Variants in SPAG4 observed in about 807,000 individuals in gnomAD.
SPAG4 encodes the protein sperm associated antigen 4.
In SPAG4, 54 loss-of-function variants were observed where a neutral mutation model predicts 53.9. The observed-to-expected ratio is 1.00, with a 90% CI of 0.80 to 1.26. The LOEUF (loss-of-function observed/expected upper bound fraction) is 1.26. Ranked by LOEUF, SPAG4 falls within the 50% of genes most tolerant of loss-of-function variation. The pLI is 0.00. For synonymous variants in SPAG4, 246 were observed against 237.4 expected (o/e 1.04, Z -0.33); for missense variants, 548 against 568.6 (o/e 0.96, Z 0.37).
At chr20:35,616,354 CT>C (rs2146259800) in intron 1 of SPAG4, 47 bp downstream of exon 1, 1 of 1,430,210 alleles carries the variant, frequency 7.0e-7, no homozygotes, top group East Asian at 2.6e-5. Flanking sequence ...GGGGCGGGGC[CT>C]AAAGGGCGGT....
In SPAG4 at chr20:35,616,105, C is replaced by T. The variant is rs1002904029; in HGVS notation, c.102C>T (p.Ser34=). Residue 34 remains serine (S), a synonymous_variant, in exon 1 of 12, where the codon AGC becomes AGT. Transcript: ENST00000374273. ...CAATGAGCATCACCTCGGAGGACAG[C>T]AAAGGGCTCCGGTCAGCGGAGCCCG... ...NSSMSITSED[S]KGLRSAEPGP... is the part of the protein sequence containing the mutation. 2.1e-5 allele frequency: 33 copies of T among 1,608,004 alleles called. No individual in the cohort carries two copies. In the Admixed American group the frequency reaches 3.7e-4, roughly 18 times the overall value.
At chr20:35,618,772 C>T in intron 7 of SPAG4, 52 bp downstream of exon 7, 1 of 1,471,410 alleles carries the variant, frequency 6.8e-7, no homozygotes, top group Non-Finnish European at 9.3e-7. Context: ...CTCCCAGGGT[C>T]CTGAGACTTA....
At chr20:35,616,567 G>A (rs1397434557) in intron 1 of SPAG4, among the ~76,000 whole-genome samples, 2 of 152,088 alleles carry the variant, frequency 1.3e-5, no homozygotes, top group East Asian at 1.9e-4. Context: ...GTGGCTCCCA[G>A]GACAATTGGG....
intron 1 of SPAG4, 141 bp downstream of exon 1, chr20:35,616,448 A>T: frequency 8.0e-7 from 1 of 1,249,702 alleles, no homozygotes; most frequent in Non-Finnish European, 1.0e-6. Flanking sequence ...GTGCTAAATG[A>T]GATCCCTTAA....
At chr20:35,620,629 C>T (rs1315238366) in intron 10 of SPAG4, 55 bp from the exon 11 acceptor site, 1 of 499,758 alleles carries the variant, frequency 2.0e-6, no homozygotes, top group Non-Finnish European at 3.9e-6. Flanking sequence ...TCTCCCCGCC[C>T]CCCCCGCCCC....
chr20:35,616,337 AG>A lies in SPAG4; in HGVS notation c.304+31del, dbSNP rs146217885. The A allele has an allele frequency of 3.1e-3, 3,619 of 1,156,630 alleles. 68 individuals carry two copies. In the African/African-American group the frequency reaches 0.049, roughly 16 times the overall value. 71.6% of individuals were successfully genotyped at this position (1,156,630 alleles called of 1,614,324 possible). A position where few individuals can be genotyped will look rare whatever the true frequency, so the allele number is the denominator to read the frequency against. On this transcript the variant is annotated intron_variant, in intron 1 of 11. Transcript: ENST00000374273. ...GGGCGGGGTCGACCCCGGGTGAGCCAGTGGAGGGGGCGGGGCCTAAAGGGCG... is the reference window on the plus strand; with the variant it reads ...GGGCGGGGTCGACCCCGGGTGAGCCATGGAGGGGGCGGGGCCTAAAGGGCG...
At chr20:35,619,079 G>T in intron 8 of SPAG4, 81 bp downstream of exon 8, 1 of 1,477,638 alleles carries the variant, frequency 6.8e-7, no homozygotes. Context: ...CCATGCACCT[G>T]ACCGGCCGAA....
Position 35,616,056 on chromosome 20 carries a change from C to A in SPAG4, c.53C>A (p.Pro18His), listed in dbSNP as rs373174161. The A allele has an allele frequency of 3.1e-6, 5 of 1,612,786 alleles. No individual in the cohort carries two copies. Among genetic ancestry groups the A allele is most frequent in the Non-Finnish European group, 4.2e-6 (5 of 1,179,686 alleles). ...GCCTCGTCCTCGCGCAAGCACACGC[C>A]CAACTTTTTCAGCGAGAACAGCTCA... ...GSASSSRKHT[P>H]NFFSENSSMS... The change falls in exon 1 of 12, where the codon CCC becomes CAC. Residue 18 changes from proline to histidine, a missense_variant. Physicochemically the swap from Pro to His is moderately conservative, Grantham distance 77. Transcript: ENST00000374273.
Position 35,619,710 on chromosome 20 carries a change from A to G in SPAG4, c.1041A>G (p.Gly347=). The G allele has an allele frequency of 6.2e-7, 1 of 1,612,386 alleles. No individual in the cohort carries two copies. The highest frequency in any genetic ancestry group is 8.5e-7 in the Non-Finnish European group (1 of 1,178,780). ...QHPPPSVEHT[G]GANSAPRDFA... ...CACCGCCCAGCGTGGAGCACACCGG[A>G]GGAGCCAACAGCGCCCCCCGCGATT... The change falls in exon 10 of 12, where the codon GGA becomes GGG. Residue 347 remains glycine, a synonymous_variant. Transcript: ENST00000374273.
chr20:35,617,974 C>T (rs1283192487), intron 4 of SPAG4, 113 bp from the exon 5 acceptor site: 3 of 1,359,532 alleles, frequency 2.2e-6, no homozygotes, highest in Admixed American at 1.8e-5. Flanking sequence ...CCCTCAGACT[C>T]CCACGGTCCT....
Position 35,617,451 on chromosome 20 carries a change from A to G in SPAG4, c.410-69A>G. Reference sequence around the variant, plus strand: ...CCTCCCAAGCCCCTTCTGAACCCGGACACCACGCAGGCTGAGCCCCGCCTC... The same window carrying G: ...CCTCCCAAGCCCCTTCTGAACCCGGGCACCACGCAGGCTGAGCCCCGCCTC... On this transcript the variant is annotated intron_variant, in intron 2 of 11. Coordinates refer to ENST00000374273, the MANE Select transcript of SPAG4 (RefSeq NM_003116.3). The G allele has an allele frequency of 2.6e-6, 3 of 1,141,388 alleles. No homozygotes were observed. The South Asian group carries it at 4.0e-5, about 15-fold the overall frequency. The allele number at this position is 1,141,388 out of a possible 1,614,324, so 70.7% of individuals were successfully genotyped here. A position where few individuals can be genotyped will look rare whatever the true frequency, so the allele number is the denominator to read the frequency against.
chr20:35,618,335 G>A (rs952408158), intron 5 of SPAG4, 115 bp from the exon 6 acceptor site: 5 of 1,366,264 alleles, frequency 3.7e-6, no homozygotes, highest in African/African-American at 2.9e-5. Flanking sequence ...TCAAGGAGGA[G>A]TCGAGGAAAG....
Position 35,616,035 on chromosome 20 carries a change from C to G in SPAG4, c.32C>G (p.Ser11Trp), listed in dbSNP as rs752863592. 1 of 1,612,522 alleles carries G rather than the reference C, an allele frequency of 6.2e-7. No homozygotes were observed. Among genetic ancestry groups the G allele is most frequent in the Non-Finnish European group, 8.5e-7 (1 of 1,179,682 alleles). Residue 11 changes from serine (S) to tryptophan (W), a missense_variant, in exon 1 of 12, where the codon TCG becomes TGG. Coordinates refer to ENST00000374273, the MANE Select transcript of SPAG4 (RefSeq NM_003116.3). ...CGAAGCTCCCGCCCGGGCTCGGCCT[C>G]GTCCTCGCGCAAGCACACGCCCAAC... MRRSSRPGSA[S>W]SSRKHTPNFF...
intron 6 of SPAG4, 27 bp from the exon 7 acceptor site, chr20:35,618,585 C>T (rs917254693): frequency 7.5e-6 from 12 of 1,593,208 alleles, no homozygotes; most frequent in Non-Finnish European, 1.0e-5. Flanking sequence ...GGGAGCCAAC[C>T]CCACGGCGCC....
intron 5 of SPAG4, 40 bp from the exon 6 acceptor site, chr20:35,618,410 G>A: frequency 2.5e-6 from 4 of 1,613,442 alleles, no homozygotes; most frequent in Middle Eastern, 1.7e-4. Context: ...AAGGACGACG[G>A]GAGCTGAGCG....
intron 5 of SPAG4, 34 bp from the exon 6 acceptor site, chr20:35,618,416 G>C (rs992524603): frequency 1.9e-6 from 3 of 1,613,676 alleles, no homozygotes; most frequent in Admixed American, 1.7e-5. Context: ...GACGGGAGCT[G>C]AGCGGCTCTG....
chr20:35,620,856 T>G lies in SPAG4; in HGVS notation c.1168-20T>G, dbSNP rs540656567. 1.8e-5 allele frequency: 29 copies of G among 1,613,606 alleles called. No homozygotes were observed. The East Asian group carries it at 2.2e-4, about 12-fold the overall frequency. The stretch of plus-strand genomic sequence containing the variant: ...TCCAGGAGGAGGGCAGCCCTTGGCA[T>G]GATCCATTTGTCTCCCCAGAATGAC... On this transcript the variant is annotated intron_variant, in intron 11 of 11. Coordinates refer to ENST00000374273, the MANE Select transcript of SPAG4 (RefSeq NM_003116.3).
In SPAG4 at chr20:35,615,866, A is replaced by T. The variant is rs1463230836; in HGVS notation, c.-138A>T. 2.8e-6 allele frequency: 2 copies of T among 719,314 alleles called. No homozygotes were observed. The highest frequency in any genetic ancestry group is 3.8e-5 in the African/African-American group (2 of 52,556). 44.6% of individuals were successfully genotyped at this position (719,314 alleles called of 1,614,324 possible). A position where few individuals can be genotyped will look rare whatever the true frequency, so the allele number is the denominator to read the frequency against. ...GCCGGCCGGGACACAGCGGGAGGGCAGGTGCGGCCGCGGGGCCTGCCGACT... is the reference window on the plus strand; with the variant it reads ...GCCGGCCGGGACACAGCGGGAGGGCTGGTGCGGCCGCGGGGCCTGCCGACT... On this transcript the variant is annotated 5_prime_UTR_variant, in exon 1 of 12. Coordinates refer to ENST00000374273, the MANE Select transcript of SPAG4 (RefSeq NM_003116.3).
intron 3 of SPAG4, 21 bp from the exon 4 acceptor site, chr20:35,617,758 A>G: frequency 6.2e-7 from 1 of 1,612,378 alleles, no homozygotes; most frequent in Non-Finnish European, 8.5e-7. Flanking sequence ...TCGGGGCCTC[A>G]GCCTCCCTCC....
Sources: gnomAD v4.1 joint callset for allele counts (sites outside exome capture counted in the v4.1 genomes callset) on GRCh38, gnomAD v4.1.1 for gene constraint, MANE v1.5 for transcripts, NCBI Gene and HGNC (gene_info 2026-07-23, HGNC 2026-07-21) for gene names.